Variants in BEND7 observed in about 807,000 individuals in gnomAD.
BEND7 encodes BEN domain-containing protein 7.
Under a neutral mutation model 50.9 loss-of-function variants are expected in BEND7, and 28 were observed. That is an observed-to-expected ratio of 0.55 (90% CI 0.41 to 0.75). The LOEUF is 0.75. BEND7 is among the 30% of genes least tolerant of loss of function. The probability of loss-of-function intolerance (pLI) is 0.00; values close to 1 mark genes in which losing one functional copy is unlikely to be tolerated. For synonymous variants in BEND7, 170 were observed against 183.9 expected (o/e 0.92, Z 0.61); for missense variants, 477 against 491.3 (o/e 0.97, Z 0.28).
intron 2 of BEND7, among the ~76,000 whole-genome samples, chr10:13,512,259 A>T (rs925817742): frequency 2.0e-5 from 3 of 152,210 alleles, no homozygotes; most frequent in African/African-American, 7.2e-5. Flanking sequence ...ACATAGCGAG[A>T]TCCTGTCTCT....
chr10:13,454,440 C>T (rs560500086), intron 6 of BEND7, among the ~76,000 whole-genome samples: 114 of 151,884 alleles, frequency 7.5e-4, no homozygotes, highest in Non-Finnish European at 1.3e-3. Flanking sequence ...GACCCTGTCT[C>T]AATCAATCAA....
chr10:13,457,851 A>G (rs571963628), intron 6 of BEND7, among the ~76,000 whole-genome samples: 1 of 152,246 alleles, frequency 6.6e-6, no homozygotes, highest in African/African-American at 2.4e-5. Context: ...GTTTTCTACT[A>G]TGTTAATAGT....
At chr10:13,509,743 A>G (rs1016999091) in intron 2 of BEND7, among the ~76,000 whole-genome samples, 4 of 152,202 alleles carry the variant, frequency 2.6e-5, no homozygotes, top group African/African-American at 9.6e-5. Context: ...AGAGAAGTGA[A>G]GTGGGCAATG....
At position 13,492,830 on chromosome 10, in the gene BEND7, G is replaced by A. The variant is rs752916303; in HGVS notation, c.618C>T (p.Ser206=). 1 of 1,606,430 alleles carries A rather than the reference G, an allele frequency of 6.2e-7. No homozygotes were observed. Among genetic ancestry groups the A allele is most frequent in the South Asian group, 1.1e-5 (1 of 89,274 alleles). ...RQQPPISLIC[S]QRTAVSRKRN... ...TCTTTCGTGAGACAGCAGTTCGCTGGGAGCATATAAGGGAAATTGGAGGTT... is the reference window on the plus strand; with the variant it reads ...TCTTTCGTGAGACAGCAGTTCGCTGAGAGCATATAAGGGAAATTGGAGGTT... Residue 206 remains serine, a synonymous_variant, in exon 5 of 9, where the codon TCC becomes TCT. Transcript: ENST00000466271.
intron 2 of BEND7, among the ~76,000 whole-genome samples, chr10:13,517,529 G>A (rs1187823191): frequency 6.6e-6 from 1 of 152,134 alleles, no homozygotes; most frequent in East Asian, 1.9e-4. Flanking sequence ...AAGGCTGGAG[G>A]ATTGCTTGAG....
At chr10:13,461,075 G>T (rs1297260465) in intron 6 of BEND7, among the ~76,000 whole-genome samples, 1 of 152,168 alleles carries the variant, frequency 6.6e-6, no homozygotes, top group East Asian at 1.9e-4. Context: ...GGGTGGGAGT[G>T]GGTAGCGGGG....
At chr10:13,490,082 G>C (rs546272575) in intron 5 of BEND7, among the ~76,000 whole-genome samples, 1 of 152,346 alleles carries the variant, frequency 6.6e-6, no homozygotes, top group South Asian at 2.1e-4. Context: ...TCAGTTTGAA[G>C]ACAGTGGCTG....
At chr10:13,492,512 G>C in intron 5 of BEND7, 99 bp downstream of exon 5, 1 of 1,437,086 alleles carries the variant, frequency 7.0e-7, no homozygotes, top group Non-Finnish European at 9.5e-7. Context: ...CATATAGTCT[G>C]CAAGTTTCTC....
chr10:13,526,149 G>T lies in BEND7; in HGVS notation c.134C>A (p.Pro45His). The T allele has an allele frequency of 7.8e-7, 1 of 1,287,672 alleles. No homozygotes were observed. Among genetic ancestry groups the T allele is most frequent in the Non-Finnish European group, 1.0e-6 (1 of 987,418 alleles). 79.8% of individuals were successfully genotyped at this position (1,287,672 alleles called of 1,614,324 possible). ...DVNGEAKETQ[P>H]IFLGDESMEI... ...ACATAGGAACCTACCTAAAAAAATG[G>T]GCTGTGTCTCTTTGGCCTCCCCATT... is the stretch of plus-strand genomic sequence containing the variant. The change falls in exon 2 of 9, where the codon CCC becomes CAC. Residue 45 changes from proline (P) to histidine (H), a missense_variant. Pro to His is a moderately conservative substitution (Grantham distance 77). This residue lies in a region of BEND7 where 396 missense variants were observed against 384.2 expected (regional missense o/e 1.03). Coordinates refer to ENST00000466271, the MANE Select transcript of BEND7 (RefSeq NM_001369863.1).
intron 6 of BEND7, among the ~76,000 whole-genome samples, chr10:13,464,068 T>C (rs969711268): frequency 6.6e-6 from 1 of 152,278 alleles, no homozygotes; most frequent in African/African-American, 2.4e-5. Flanking sequence ...TCTTCTACCT[T>C]GCTGGCAGAT....
intron 2 of BEND7, among the ~76,000 whole-genome samples, chr10:13,517,367 G>C (rs1418185358): frequency 1.3e-5 from 2 of 152,142 alleles, no homozygotes; most frequent in African/African-American, 4.8e-5. Context: ...TGCTGCACAT[G>C]GAGGCAAGAG....
chr10:13,443,637 T>C (rs1835695619), intron 8 of BEND7: 1 of 152,280 alleles, frequency 6.6e-6, no homozygotes, highest in South Asian at 2.1e-4. Context: ...AGGCCACGAA[T>C]GTGTGTTACT....
chr10:13,505,536 T>A (rs1164531780), intron 2 of BEND7, among the ~76,000 whole-genome samples: 1 of 152,196 alleles, frequency 6.6e-6, no homozygotes, highest in Admixed American at 6.5e-5. Context: ...AGGGGTGTGC[T>A]ACCCTCCCCG....
intron 5 of BEND7, 104 bp from the exon 6 acceptor site, chr10:13,481,228 T>C (rs2075832073): frequency 9.5e-7 from 1 of 1,056,664 alleles, no homozygotes; most frequent in East Asian, 2.6e-5. Flanking sequence ...AATGTACATA[T>C]CCTACAAATG....
At chr10:13,474,024 GGGGCT>G (rs2075183426) in intron 6 of BEND7, among the ~76,000 whole-genome samples, 1 of 151,732 alleles carries the variant, frequency 6.6e-6, no homozygotes, top group Non-Finnish European at 1.5e-5. Context: ...TGTTAAACTC[GGGGCT>G]GATATCCATT....
At chr10:13,473,158 C>T (rs2075058471) in intron 6 of BEND7, among the ~76,000 whole-genome samples, 2 of 151,492 alleles carry the variant, frequency 1.3e-5, no homozygotes, top group Admixed American at 6.6e-5. Flanking sequence ...CCTGTCATCT[C>T]TCTTAGACTC....
intron 2 of BEND7, among the ~76,000 whole-genome samples, chr10:13,511,530 A>C (rs1219463926): frequency 6.6e-6 from 1 of 152,214 alleles, no homozygotes; most frequent in East Asian, 1.9e-4. Context: ...CGACTGACTC[A>C]GCAGCAGCTA....
chr10:13,451,641 G>C (rs1358567354), intron 7 of BEND7, among the ~76,000 whole-genome samples: 1 of 151,722 alleles, frequency 6.6e-6, no homozygotes, highest in Non-Finnish European at 1.5e-5. Flanking sequence ...TTAAGTTTTA[G>C]GGTACATGTG....
rs935341416 is a variant in BEND7, at chr10:13,447,261, T to C, written c.1234+5A>G. ...GTGATGAAAATGTAAATGCGTTTTA[T>C]TTACCTGTTGGTGGTAGAGCAATGC... On this transcript the variant is annotated splice_donor_5th_base_variant and intron_variant, in intron 8 of 8. Transcript: ENST00000466271. 6.2e-7 allele frequency: 1 copy of C among 1,614,086 alleles called. No homozygotes were observed. Among genetic ancestry groups the C allele is most frequent in the Non-Finnish European group, 8.5e-7 (1 of 1,179,962 alleles).
Sources: gnomAD v4.1 joint callset for allele counts (sites outside exome capture counted in the v4.1 genomes callset) on GRCh38, gnomAD v4.1.1 for gene constraint, gnomAD v4.1.1 regional missense constraint, MANE v1.5 for transcripts, NCBI Gene and HGNC (gene_info 2026-07-23, HGNC 2026-07-21) for gene names.